NELL1: variants seen among roughly 807,000 people sequenced by gnomAD.
NELL1 encodes the protein neural EGFL like 1.
In NELL1, 76 loss-of-function variants were observed where a neutral mutation model predicts 107.4. The ratio of observed to expected loss-of-function variants is 0.71; its 90% confidence interval spans 0.59 to 0.86. NELL1 has a LOEUF of 0.86. Ranked by LOEUF, NELL1 falls within the 40% of genes least tolerant of loss-of-function variation. The probability of loss-of-function intolerance (pLI) is 0.00; values close to 1 mark genes in which losing one functional copy is unlikely to be tolerated. For missense variants in NELL1, 1,024 were observed against 1,005.5 expected, an observed-to-expected ratio of 1.02 and a Z score of -0.25; for synonymous variants, 353 against 341.2, an observed-to-expected ratio of 1.03 and a Z score of -0.38.
chr11:21,237,894 G>C (rs35948286), intron 14 of NELL1, among the ~76,000 whole-genome samples: 4 of 151,840 alleles, frequency 2.6e-5, no homozygotes, highest in Non-Finnish European at 4.4e-5. Context: ...TCTTTGCCTA[G>C]GTAATTGTGT....
chr11:20,996,341 A>C (rs1852090008), intron 12 of NELL1, among the ~76,000 whole-genome samples: 1 of 152,108 alleles, frequency 6.6e-6, no homozygotes, highest in African/African-American at 2.4e-5. Context: ...CCTCTTACCC[A>C]GTCTTTGGGT....
chr11:21,434,530 A>G (rs61885936), intron 15 of NELL1, among the ~76,000 whole-genome samples: 12,326 of 151,980 alleles, frequency 0.081, 770 homozygotes, highest in Non-Finnish European at 0.12. Context: ...TGGGTTCTTT[A>G]TTCTGTTTCA....
intron 16 of NELL1, among the ~76,000 whole-genome samples, chr11:21,546,397 TCAGAGATCATCATTGATATGGTTTGGC>T (rs1856443242): frequency 6.6e-6 from 1 of 151,946 alleles, no homozygotes; most frequent in South Asian, 2.1e-4. Context: ...AAACAGCAAT[TCAGAGATCATCATTGATATGGTTTGGC>T]CATGTCCCCA....
At chr11:21,372,986 T>C (rs2133756189) in intron 15 of NELL1, among the ~76,000 whole-genome samples, 1 of 152,138 alleles carries the variant, frequency 6.6e-6, no homozygotes, top group Admixed American at 6.6e-5. Flanking sequence ...AGGGAAAAAG[T>C]TAGACAGAGA....
At chr11:21,117,171 C>G (rs1855257392) in intron 13 of NELL1, among the ~76,000 whole-genome samples, 1 of 151,982 alleles carries the variant, frequency 6.6e-6, no homozygotes, top group Non-Finnish European at 1.5e-5. Flanking sequence ...TCATTTACCT[C>G]TTAGCCTAAG....
intron 13 of NELL1, among the ~76,000 whole-genome samples, chr11:21,207,501 A>G (rs994943132): frequency 6.6e-6 from 1 of 152,132 alleles, no homozygotes; most frequent in Admixed American, 6.5e-5. Flanking sequence ...CCCACATCAC[A>G]CTGTGATGAT....
Position 21,573,372 on chromosome 11 carries a change from C to G in NELL1, c.2345C>G (p.Thr782Arg). 1 of 1,612,202 alleles carries G rather than the reference C, an allele frequency of 6.2e-7. No individual in the cohort carries two copies. Among genetic ancestry groups the G allele is most frequent in the Non-Finnish European group, 8.5e-7 (1 of 1,178,878 alleles). ...GVSRLSGSVW[T>R]MAGSPCTTCK... is the part of the protein sequence containing the mutation. ...TCACGGCTTAGTGGCTCAGTGTGGACGATGGCTGGATCTCCCTGCACAACC... is the reference window on the plus strand; with the variant it reads ...TCACGGCTTAGTGGCTCAGTGTGGAGGATGGCTGGATCTCCCTGCACAACC... The change falls in exon 19 of 20, where the codon ACG (threonine) becomes AGG (arginine). Residue 782 changes from threonine (T) to arginine (R), a missense_variant. Thr to Arg is a moderately conservative substitution (Grantham distance 71, BLOSUM62 -1). Coordinates refer to ENST00000357134, the MANE Select transcript of NELL1 (RefSeq NM_006157.5).
At chr11:21,317,877 G>T (rs919013642) in intron 14 of NELL1, among the ~76,000 whole-genome samples, 1 of 152,006 alleles carries the variant, frequency 6.6e-6, no homozygotes, top group African/African-American at 2.4e-5. Flanking sequence ...AACTTCCTCA[G>T]AATTCTAATA....
intron 15 of NELL1, among the ~76,000 whole-genome samples, chr11:21,506,700 T>C (rs982027397): frequency 2.6e-5 from 4 of 152,236 alleles, no homozygotes; most frequent in African/African-American, 4.8e-5. Flanking sequence ...AAATCCACTA[T>C]GTTCTTAACC....
At chr11:21,482,011 C>T (rs941425976) in intron 15 of NELL1, among the ~76,000 whole-genome samples, 3 of 152,058 alleles carry the variant, frequency 2.0e-5, no homozygotes, top group Non-Finnish European at 4.4e-5. Flanking sequence ...TAATTCCCCT[C>T]CCTGTTCTTT....
At chr11:21,345,842 C>T (rs996463216) in intron 14 of NELL1, among the ~76,000 whole-genome samples, 2 of 152,128 alleles carry the variant, frequency 1.3e-5, no homozygotes, top group East Asian at 1.9e-4. Context: ...GAGATCTGCA[C>T]GACCAGCAAT....
chr11:20,987,754 A>C (rs1197981839), intron 12 of NELL1, among the ~76,000 whole-genome samples: 1 of 151,968 alleles, frequency 6.6e-6, no homozygotes, highest in Non-Finnish European at 1.5e-5. Flanking sequence ...GTTGTACCTC[A>C]TTTTTTTTCT....
At chr11:21,108,955 G>A (rs572934744) in intron 12 of NELL1, among the ~76,000 whole-genome samples, 14 of 152,188 alleles carry the variant, frequency 9.2e-5, no homozygotes, top group African/African-American at 2.2e-4. Context: ...CAGCTACAGC[G>A]AACATAATCA....
chr11:20,993,653 T>A (rs1852026423), intron 12 of NELL1, among the ~76,000 whole-genome samples: 1 of 152,212 alleles, frequency 6.6e-6, no homozygotes, highest in South Asian at 2.1e-4. Flanking sequence ...TATCCTCCTG[T>A]GTACTTTAAA....
chr11:21,068,516 G>C lies in NELL1; in HGVS notation c.1301-45073G>C, dbSNP rs145590536. On this transcript the variant is annotated intron_variant, in intron 12 of 19. Transcript: ENST00000357134. Reference sequence around the variant, plus strand: ...CTGGAATAAATGTAGACATGGAATAGGAACTTGCTATATTAGTCTGATTCT... The same window carrying C: ...CTGGAATAAATGTAGACATGGAATACGAACTTGCTATATTAGTCTGATTCT... Among the ~76,000 whole-genome samples the C allele has an allele frequency of 3.2e-3, 492 of 152,272 alleles. 2 individuals carry two copies. Among genetic ancestry groups the C allele is most frequent in the Non-Finnish European group, 5.3e-3 (362 of 68,032 alleles).
At chr11:20,948,350 G>A (rs1851005997) in intron 11 of NELL1, among the ~76,000 whole-genome samples, 1 of 151,882 alleles carries the variant, frequency 6.6e-6, no homozygotes, top group Non-Finnish European at 1.5e-5. Context: ...ACCATGCCCA[G>A]CCTATTTTTA....
intron 14 of NELL1, among the ~76,000 whole-genome samples, chr11:21,288,690 CT>C (rs1225727046): frequency 6.6e-6 from 1 of 152,192 alleles, no homozygotes; most frequent in Non-Finnish European, 1.5e-5. Flanking sequence ...TTTTGGTTGT[CT>C]ATTGCTGTAA....
chr11:21,290,388 A>AAAAT lies in NELL1; in HGVS notation c.1549+60940_1549+60943dup, dbSNP rs1554995031. ...CATCTCAAAAAATAAATAAATAAAT[A>AAAAT]AAATAAATAGATAAATAAATAAATA... On this transcript the variant is annotated intron_variant, in intron 14 of 19. Coordinates refer to ENST00000357134, the MANE Select transcript of NELL1 (RefSeq NM_006157.5). Among the ~76,000 whole-genome samples the AAAAT allele has an allele frequency of 2.1e-3, 229 of 107,370 alleles. 1 individual carries two copies. Among genetic ancestry groups the AAAAT allele is most frequent in the African/African-American group, 8.0e-3 (222 of 27,662 alleles). 70.4% of individuals were successfully genotyped at this position (107,370 alleles called of 152,430 possible).
chr11:20,832,811 G>C (rs1411369358), intron 3 of NELL1, among the ~76,000 whole-genome samples: 1 of 152,052 alleles, frequency 6.6e-6, no homozygotes, highest in African/African-American at 2.4e-5. Context: ...TATTTATTGA[G>C]AGCTCAAGTC....
Sources: allele counts gnomAD v4.1 joint callset (sites outside exome capture counted in the v4.1 genomes callset), GRCh38; gene constraint gnomAD v4.1.1; transcripts MANE v1.5; gene names NCBI Gene and HGNC (gene_info 2026-07-23, HGNC 2026-07-21).